DTNB: variants seen among roughly 807,000 people sequenced by gnomAD.
DTNB encodes the protein DTN-B.
Under a neutral mutation model 90.7 loss-of-function variants are expected in DTNB, and 63 were observed. The ratio of observed to expected loss-of-function variants is 0.69; its 90% confidence interval spans 0.57 to 0.86. The LOEUF is 0.86. Among genes scored for constraint, DTNB ranks in the 40% least tolerant of loss-of-function variants. The pLI is 0.00. For missense variants in DTNB, 744 were observed against 807.1 expected, an observed-to-expected ratio of 0.92 and a Z score of 0.95; for synonymous variants, 277 against 286.7, an observed-to-expected ratio of 0.97 and a Z score of 0.34.
At chr2:25,401,311 T>C (rs1411863951) in intron 16 of DTNB, among the ~76,000 whole-genome samples, 4 of 152,178 alleles carry the variant, frequency 2.6e-5, no homozygotes, top group African/African-American at 9.7e-5. Flanking sequence ...GAAAGGAGAA[T>C]ACAGGGATTA....
chr2:25,541,520 A>C (rs985955248), intron 8 of DTNB, among the ~76,000 whole-genome samples: 4 of 152,006 alleles, frequency 2.6e-5, no homozygotes, highest in Non-Finnish European at 5.9e-5. Context: ...AAATAAATAA[A>C]CAAGTACAGT....
rs143069198 is a variant in DTNB, at chr2:25,529,757, G to A, written c.1001+1716C>T. ...GCACAAAAGGATCCACAGAATTGCAGCACACTATGTGACTGTGTAATGAAG... is the reference window on the plus strand; with the variant it reads ...GCACAAAAGGATCCACAGAATTGCAACACACTATGTGACTGTGTAATGAAG... On this transcript the variant is annotated intron_variant, in intron 9 of 20. Coordinates refer to ENST00000406818, the MANE Select transcript of DTNB (RefSeq NM_021907.5). Among the ~76,000 whole-genome samples, 554 of 152,302 alleles carry A rather than the reference G, an allele frequency of 3.6e-3. 1 individual carries two copies. Among genetic ancestry groups the A allele is most frequent in the African/African-American group, 0.013 (520 of 41,556 alleles).
intron 18 of DTNB, chr2:25,385,971 AGTGGGATTTCTGACATCT>A: frequency 1.0e-6 from 1 of 963,868 alleles, no homozygotes; most frequent in Admixed American, 6.2e-5. Context: ...TTCCTCTAAA[AGTGGGATTTCTGACATCT>A]GTGGGGAGCT....
intron 9 of DTNB, 120 bp downstream of exon 9, chr2:25,531,353 G>A: frequency 6.9e-7 from 1 of 1,445,610 alleles, no homozygotes; most frequent in Non-Finnish European, 9.2e-7. Context: ...TCCCACAAAA[G>A]AAAGTAAAAA....
chr2:25,562,468 T>C (rs1222292979), intron 8 of DTNB, among the ~76,000 whole-genome samples: 1 of 152,208 alleles, frequency 6.6e-6, no homozygotes, highest in African/African-American at 2.4e-5. Flanking sequence ...TTGGATCACA[T>C]GGTGAGTCTA....
At chr2:25,412,080 G>A (rs1409668743) in intron 16 of DTNB, among the ~76,000 whole-genome samples, 1 of 152,146 alleles carries the variant, frequency 6.6e-6, no homozygotes, top group Non-Finnish European at 1.5e-5. Flanking sequence ...TTTTCTTGTT[G>A]CATAGGTTTG....
intron 9 of DTNB, among the ~76,000 whole-genome samples, chr2:25,494,312 C>T (rs1272671012): frequency 6.6e-6 from 1 of 152,180 alleles, no homozygotes; most frequent in Non-Finnish European, 1.5e-5. Context: ...ATCAAATCCA[C>T]AAACACTCTT....
At chr2:25,410,445 T>A (rs777168563) in intron 16 of DTNB, among the ~76,000 whole-genome samples, 28 of 151,998 alleles carry the variant, frequency 1.8e-4, no homozygotes, top group Non-Finnish European at 1.0e-4. Context: ...CCATCCCCCA[T>A]CCCCACCACG....
chr2:25,382,961 C>T (rs1322323070), intron 19 of DTNB, among the ~76,000 whole-genome samples: 2 of 152,140 alleles, frequency 1.3e-5, no homozygotes, highest in Non-Finnish European at 2.9e-5. Flanking sequence ...GAAAATCATT[C>T]CCTGCAGCTC....
At chr2:25,380,032 C>G (rs909447537) in intron 19 of DTNB, 1 of 152,684 alleles carries the variant, frequency 6.5e-6, no homozygotes, top group Non-Finnish European at 1.5e-5. Flanking sequence ...GAAGCATTCC[C>G]CAGGATGCAG....
chr2:25,636,451 C>T (rs1246498309), intron 3 of DTNB, among the ~76,000 whole-genome samples: 2 of 152,194 alleles, frequency 1.3e-5, no homozygotes, highest in East Asian at 1.9e-4. Context: ...AGGCTCTCAA[C>T]ACTCCACACG....
At chr2:25,555,310 CA>C (rs1199761313) in intron 8 of DTNB, among the ~76,000 whole-genome samples, 2 of 132,072 alleles carry the variant, frequency 1.5e-5, no homozygotes, top group Non-Finnish European at 3.1e-5. Context: ...AAAAAAAAAA[CA>C]AAAAGGTCTG....
chr2:25,626,351 G>C (rs2074152082), intron 4 of DTNB, among the ~76,000 whole-genome samples: 1 of 152,120 alleles, frequency 6.6e-6, no homozygotes, highest in Non-Finnish European at 1.5e-5. Context: ...TAAGGGTTTT[G>C]AAACAAAAAG....
intron 12 of DTNB, among the ~76,000 whole-genome samples, chr2:25,436,910 A>G (rs1410648843): frequency 6.6e-6 from 1 of 152,234 alleles, no homozygotes; most frequent in Non-Finnish European, 1.5e-5. Flanking sequence ...TGATGATGAA[A>G]AGAAGCCCTG....
At chr2:25,447,902 C>T (rs143429154) in intron 12 of DTNB, among the ~76,000 whole-genome samples, 266 of 152,040 alleles carry the variant, frequency 1.7e-3, no homozygotes, top group African/African-American at 6.1e-3. Flanking sequence ...TCACTTTGCA[C>T]GTAACCGAGG....
At chr2:25,469,681 A>C (rs2062429355) in intron 10 of DTNB, among the ~76,000 whole-genome samples, 1 of 152,140 alleles carries the variant, frequency 6.6e-6, no homozygotes, top group Non-Finnish European at 1.5e-5. Context: ...TCCTGACCTC[A>C]AGTGATCTGT....
chr2:25,499,141 G>A lies in DTNB; in HGVS notation c.1002-16268C>T, dbSNP rs530840885. Among the ~76,000 whole-genome samples, 92 of 151,802 alleles carry A rather than the reference G, an allele frequency of 6.1e-4. 1 individual carries two copies. Among genetic ancestry groups the A allele is most frequent in the Non-Finnish European group, 4.1e-4 (28 of 67,916 alleles). ...CTGAGGCAGGAGAATCGCTTGAACC[G>A]GGGAGGCGGAGGACGCACTCAGTCG... On this transcript the variant is annotated intron_variant, in intron 9 of 20. Coordinates refer to ENST00000406818, the MANE Select transcript of DTNB (RefSeq NM_021907.5).
At chr2:25,638,557 T>C (rs1390659793) in intron 3 of DTNB, among the ~76,000 whole-genome samples, 1 of 152,194 alleles carries the variant, frequency 6.6e-6, no homozygotes, top group Non-Finnish European at 1.5e-5. Flanking sequence ...CATATACATA[T>C]ATACAGACAC....
At chr2:25,524,423 G>C (rs544799140) in intron 9 of DTNB, among the ~76,000 whole-genome samples, 83 of 143,882 alleles carry the variant, frequency 5.8e-4, no homozygotes, top group Non-Finnish European at 1.0e-3. Flanking sequence ...TTTTTTTGGT[G>C]GGGGGGGTGG....
Sources: gnomAD v4.1 joint callset for allele counts (sites outside exome capture counted in the v4.1 genomes callset) on GRCh38, gnomAD v4.1.1 for gene constraint, MANE v1.5 for transcripts, NCBI Gene and HGNC (gene_info 2026-07-23, HGNC 2026-07-21) for gene names.